Variants in TLK1 observed in about 807,000 individuals in gnomAD.
TLK1 encodes serine/threonine-protein kinase tousled-like 1.
TLK1 carries 24 observed loss-of-function variants against 105.3 expected under a neutral mutation model. That is an observed-to-expected ratio of 0.23 (90% confidence interval 0.17 to 0.32). The LOEUF (loss-of-function observed/expected upper bound fraction) is 0.32, where lower values mean the gene tolerates loss of function less well. TLK1 is among the 10% of genes least tolerant of loss of function. The pLI is 1.00. For synonymous variants in TLK1, 321 were observed against 310.4 expected, an observed-to-expected ratio of 1.03 and a Z score of -0.36; for missense variants, 558 against 910.5, an observed-to-expected ratio of 0.61 and a Z score of 4.98.
intron 3 of TLK1, among the ~76,000 whole-genome samples, chr2:171,068,329 C>G (rs981267928): frequency 6.6e-6 from 1 of 151,880 alleles, no homozygotes; most frequent in Admixed American, 6.6e-5. Flanking sequence ...AACTCCGCCT[C>G]AAAAACAAAA....
At chr2:171,072,858 G>A (rs1688324801) in intron 3 of TLK1, among the ~76,000 whole-genome samples, 1 of 151,688 alleles carries the variant, frequency 6.6e-6, no homozygotes, top group Admixed American at 6.6e-5. Context: ...GAACCGGGGA[G>A]GTGGTGGTTG....
Position 171,050,162 on chromosome 2 carries a change from G to A in TLK1, c.745C>T (p.Leu249Phe), listed in dbSNP as rs1687167832. 4 of 1,595,990 alleles carry A rather than the reference G, an allele frequency of 2.5e-6. No homozygotes were observed. Among genetic ancestry groups the A allele is most frequent in the East Asian group, 2.2e-5 (1 of 44,588 alleles). Residue 249 changes from leucine to phenylalanine, a missense_variant, in exon 9 of 21, where the codon CTC becomes TTC. Leu to Phe is a conservative substitution (Grantham distance 22). Transcript: ENST00000431350. ...IDDLLRANCD[L>F]RRQIDEQQKL... ...TGTTGTTCATCTATTTGCCGTCTGA[G>A]ATCACAGTTAGCCTATGACATAAGT...
intron 20 of TLK1, among the ~76,000 whole-genome samples, chr2:170,994,966 T>A (rs1683983631): frequency 6.6e-6 from 1 of 152,164 alleles, no homozygotes; most frequent in Admixed American, 6.5e-5. Flanking sequence ...TATAATCACA[T>A]TAAAAGGTAA....
chr2:171,191,607 AG>A (rs1387028449), intron 1 of TLK1, among the ~76,000 whole-genome samples: 1 of 152,154 alleles, frequency 6.6e-6, no homozygotes, highest in Non-Finnish European at 1.5e-5. Flanking sequence ...GGCCATTTTC[AG>A]GCATCTCACA....
chr2:171,058,209 G>A lies in TLK1; in HGVS notation c.407-12C>T. 6.2e-7 allele frequency: 1 copy of A among 1,613,298 alleles called. No homozygotes were observed. The highest frequency in any genetic ancestry group is 8.5e-7 in the Non-Finnish European group (1 of 1,179,390). On this transcript the variant is annotated splice_polypyrimidine_tract_variant and intron_variant, in intron 4 of 20. Coordinates refer to ENST00000431350, the MANE Select transcript of TLK1 (RefSeq NM_012290.5). ...CCCAATACTTTTTCCTAAAATATAA[G>A]AAGCGCATGATGTTAGTAGGGTAGT...
At chr2:171,227,850 G>A (rs191864381) in intron 1 of TLK1, among the ~76,000 whole-genome samples, 15 of 152,158 alleles carry the variant, frequency 9.9e-5, no homozygotes, top group African/African-American at 3.6e-4. Context: ...CACCTTGGAA[G>A]AACACTGCTA....
chr2:171,190,616 C>A (rs1693127889), intron 1 of TLK1, among the ~76,000 whole-genome samples: 1 of 152,082 alleles, frequency 6.6e-6, no homozygotes, highest in Non-Finnish European at 1.5e-5. Context: ...AAATTTCAAA[C>A]AAACTTGCTA....
At chr2:171,033,905 A>AC in intron 11 of TLK1, among the ~76,000 whole-genome samples, 1 of 151,180 alleles carries the variant, frequency 6.6e-6, no homozygotes, top group South Asian at 2.1e-4. Flanking sequence ...AAAAAAAAAA[A>AC]AACCTCCCAC....
chr2:171,167,173 G>C (rs1004823200), intron 1 of TLK1, among the ~76,000 whole-genome samples: 6 of 152,154 alleles, frequency 3.9e-5, no homozygotes, highest in African/African-American at 1.4e-4. Flanking sequence ...ACGGAGGTAT[G>C]TTTGTCTTAT....
chr2:171,040,823 C>T (rs1050313340), intron 11 of TLK1, among the ~76,000 whole-genome samples: 5 of 152,154 alleles, frequency 3.3e-5, no homozygotes, highest in South Asian at 4.1e-4. Flanking sequence ...GTGATCCTCC[C>T]GTCTCAGCCT....
At chr2:171,091,481 A>T (rs1169057770) in intron 2 of TLK1, 1 of 152,154 alleles carries the variant, frequency 6.6e-6, no homozygotes, top group Non-Finnish European at 1.5e-5. Flanking sequence ...TTCCAATTTC[A>T]TGACAGCAAC....
At chr2:171,214,848 A>G (rs1342548599) in intron 1 of TLK1, among the ~76,000 whole-genome samples, 2 of 152,198 alleles carry the variant, frequency 1.3e-5, no homozygotes, top group Non-Finnish European at 2.9e-5. Flanking sequence ...TCTTCCAGCT[A>G]AAGAATTCTG....
Position 171,191,273 on chromosome 2 carries a change from T to A in TLK1, c.-6+39872A>T, listed in dbSNP as rs371402115. 1.4e-4 allele frequency among the ~76,000 whole-genome samples: 22 copies of A among 152,232 alleles called. No homozygotes were observed. The East Asian group carries it at 4.0e-3, about 28-fold the overall frequency. On this transcript the variant is annotated intron_variant, in intron 1 of 20. Transcript: ENST00000521943. ...TGCCCTTATGGCTCAAGAACCCTAC[T>A]AAGAAGCAATCTTAGCCAGGAGTGG... is the stretch of plus-strand genomic sequence containing the variant.
intron 1 of TLK1, among the ~76,000 whole-genome samples, chr2:171,213,355 A>C (rs1367908284): frequency 1.3e-5 from 2 of 151,684 alleles, no homozygotes; most frequent in Non-Finnish European, 2.9e-5. Flanking sequence ...GGCATGCACC[A>C]CCGTGCCCAG....
At chr2:171,083,949 A>C (rs1226708199) in intron 2 of TLK1, among the ~76,000 whole-genome samples, 1 of 152,182 alleles carries the variant, frequency 6.6e-6, no homozygotes, top group African/African-American at 2.4e-5. Context: ...CTGGGACAAT[A>C]AGGGCAGTGG....
At chr2:171,001,274 C>T (rs1159097297) in intron 18 of TLK1, among the ~76,000 whole-genome samples, 1 of 152,118 alleles carries the variant, frequency 6.6e-6, no homozygotes, top group Non-Finnish European at 1.5e-5. Flanking sequence ...TCATGTGTAA[C>T]GAGCCTTAAA....
At chr2:171,011,479 A>G (rs1320065827) in intron 13 of TLK1, 25 bp from the exon 14 acceptor site, 2 of 1,584,606 alleles carry the variant, frequency 1.3e-6, no homozygotes, top group Admixed American at 1.8e-5. Flanking sequence ...CAAAAAACAG[A>G]CATATTAAAA....
At chr2:171,114,000 T>C (rs774154280) in intron 2 of TLK1, among the ~76,000 whole-genome samples, 2 of 152,202 alleles carry the variant, frequency 1.3e-5, no homozygotes, top group African/African-American at 4.8e-5. Flanking sequence ...ATTATATTTA[T>C]TGTTAATAGA....
At position 171,011,355 on chromosome 2, in the gene TLK1, GAATAA is replaced by G; in HGVS notation, c.1416+13_1416+17del. The G allele has an allele frequency of 6.3e-7, 1 of 1,587,968 alleles. No individual in the cohort carries two copies. Among genetic ancestry groups the G allele is most frequent in the East Asian group, 2.2e-5 (1 of 44,456 alleles). On this transcript the variant is annotated intron_variant, in intron 14 of 20. Transcript: ENST00000431350. ...TTGCTACATTAGTGTAAAAAAAACA[GAATAA>G]AACATACATTACCTTATACACTTCA...
Sources: gnomAD v4.1 joint callset for allele counts (sites outside exome capture counted in the v4.1 genomes callset) on GRCh38, gnomAD v4.1.1 for gene constraint, MANE v1.5 for transcripts, NCBI Gene and HGNC (gene_info 2026-07-23, HGNC 2026-07-21) for gene names.